Variants in GINS3 observed in about 807,000 individuals in gnomAD.
GINS3 encodes the protein DNA replication complex GINS protein PSF3.
A neutral mutation model predicts 20.0 loss-of-function variants in GINS3; 18 were observed. The ratio of observed to expected loss-of-function variants is 0.90; its 90% CI spans 0.62 to 1.33. The LOEUF is 1.33. GINS3 is among the 40% of genes most tolerant of loss of function. GINS3 has a pLI of 0.00. For synonymous variants in GINS3, 109 were observed against 107.0 expected, an observed-to-expected ratio of 1.02 and a Z score of -0.12; for missense variants, 254 against 273.6, an observed-to-expected ratio of 0.93 and a Z score of 0.51.
chr16:58,403,078 T>C lies in GINS3; in HGVS notation c.187-20T>C. ...GTGTTACTTGTCTGTTTTTAAAATC[T>C]ACATTCATGCATGCTGCAGGGTTCC... On this transcript the variant is annotated intron_variant, in intron 1 of 2. Coordinates refer to ENST00000318129, the MANE Select transcript of GINS3 (RefSeq NM_022770.4). 1 of 1,597,006 alleles carries C rather than the reference T, an allele frequency of 6.3e-7. No individual in the cohort carries two copies. The highest frequency in any genetic ancestry group is 1.1e-5 in the South Asian group (1 of 90,598).
Position 58,403,135 on chromosome 16 carries a change from G to C in GINS3, c.224G>C (p.Gly75Ala). The C allele has an allele frequency of 1.9e-6, 3 of 1,614,160 alleles. No individual in the cohort carries two copies. The highest frequency in any genetic ancestry group is 2.5e-6 in the Non-Finnish European group (3 of 1,180,028). The change falls in exon 2 of 3, where the codon GGA (glycine) becomes GCA (alanine). Residue 75 changes from glycine to alanine, a missense_variant. Transcript: ENST00000318129. ...GAACTACCCTTGTGGCTGGCAAAAGGACTTTTTGACAACAAGCGACGGATC... is the reference window on the plus strand; with the variant it reads ...GAACTACCCTTGTGGCTGGCAAAAGCACTTTTTGACAACAAGCGACGGATC... ...KLELPLWLAK[G>A]LFDNKRRILS...
chr16:58,396,900 C>G lies in GINS3; in HGVS notation c.186+4113C>G, dbSNP rs1384404856. 6.8e-5 allele frequency among the ~76,000 whole-genome samples: 10 copies of G among 147,216 alleles called. No individual in the cohort carries two copies. In the South Asian group the frequency reaches 1.1e-3, roughly 16 times the overall value. On this transcript the variant is annotated intron_variant, in intron 1 of 2. Coordinates refer to ENST00000318129, the MANE Select transcript of GINS3 (RefSeq NM_022770.4). ...TGGCCGGGCGGGGGGCTGACCCCCCCACCTCCTTCCCGGACGGGGCGGCTG... is the reference window on the plus strand; with the variant it reads ...TGGCCGGGCGGGGGGCTGACCCCCCGACCTCCTTCCCGGACGGGGCGGCTG...
intron 1 of GINS3, among the ~76,000 whole-genome samples, chr16:58,400,240 T>C (rs1299739213): frequency 6.6e-6 from 1 of 152,170 alleles, no homozygotes; most frequent in Non-Finnish European, 1.5e-5. Context: ...GAGGGAAAGG[T>C]TGCATGGAGT....
chr16:58,394,236 ACCT>A (rs1390279008), intron 1 of GINS3, among the ~76,000 whole-genome samples: 8 of 151,294 alleles, frequency 5.3e-5, no homozygotes, highest in African/African-American at 1.7e-4. Context: ...AATTAATCAG[ACCT>A]CCTTGTTCTA....
intron 1 of GINS3, among the ~76,000 whole-genome samples, chr16:58,396,780 T>G (rs1236564878): frequency 1.1e-5 from 1 of 94,094 alleles, no homozygotes; most frequent in African/African-American, 4.3e-5. Context: ...CCCCACCTCC[T>G]TCCCGGACAG....
chr16:58,394,331 T>C (rs1300031677), intron 1 of GINS3, among the ~76,000 whole-genome samples: 1 of 151,732 alleles, frequency 6.6e-6, no homozygotes, highest in Non-Finnish European at 1.5e-5. Flanking sequence ...TTGGGGGTAG[T>C]TTTGTTTTTG....
chr16:58,401,375 A>G (rs1965951884), intron 1 of GINS3, among the ~76,000 whole-genome samples: 1 of 152,094 alleles, frequency 6.6e-6, no homozygotes, highest in Non-Finnish European at 1.5e-5. Context: ...TGAAGAGCTA[A>G]AGAACAAAGC....
chr16:58,404,611 C>A lies in GINS3; in HGVS notation c.533C>A (p.Thr178Lys). Residue 178 changes from threonine (T) to lysine (K), a missense_variant, in exon 3 of 3, where the codon ACA (threonine) becomes AAA (lysine). By Grantham distance (78) the Thr-to-Lys change is moderately conservative. Coordinates refer to ENST00000318129, the MANE Select transcript of GINS3 (RefSeq NM_022770.4). ...GAGATGGAGAGGGGCTTATTTCAAA[C>A]AGGGCAGAAAGGACTGAATGACTTT... ...LDEMERGLFQ[T>K]GQKGLNDFQC... 6.2e-7 allele frequency: 1 copy of A among 1,614,104 alleles called. No individual in the cohort carries two copies. The highest frequency in any genetic ancestry group is 8.5e-7 in the Non-Finnish European group (1 of 1,179,998).
intron 1 of GINS3, 59 bp downstream of exon 1, chr16:58,392,846 G>C (rs1965802593): frequency 6.8e-7 from 1 of 1,477,318 alleles, no homozygotes; most frequent in East Asian, 2.5e-5. Flanking sequence ...CGGGCCCCTC[G>C]GCCCTGGGAC....
intron 1 of GINS3, among the ~76,000 whole-genome samples, chr16:58,397,438 T>TG (rs1401669657): frequency 3.3e-5 from 5 of 150,700 alleles, no homozygotes; most frequent in East Asian, 1.9e-4. Flanking sequence ...CTCGGCACTT[T>TG]GGGGGGCCAA....
intron 1 of GINS3, among the ~76,000 whole-genome samples, chr16:58,395,600 A>C (rs1309151279): frequency 6.6e-6 from 1 of 152,150 alleles, no homozygotes; most frequent in Non-Finnish European, 1.5e-5. Context: ...TAATCCATTC[A>C]ACCCCTGAGT....
Position 58,404,803 on chromosome 16 carries a change from T to C in GINS3, c.*74T>C, listed in dbSNP as rs752372111. ...GTCCTTGATAGGAGCTGGTTGACCT[T>C]GTACAGAACCAGAATCCTGTCCCAT... On this transcript the variant is annotated 3_prime_UTR_variant, in exon 3 of 3. Coordinates refer to ENST00000318129, the MANE Select transcript of GINS3 (RefSeq NM_022770.4). 3.9e-4 allele frequency: 402 copies of C among 1,037,926 alleles called. 4 individuals are homozygous for C. The highest frequency in any genetic ancestry group is 7.6e-5 in the Non-Finnish European group (52 of 685,994). 64.3% of individuals were successfully genotyped at this position (1,037,926 alleles called of 1,614,324 possible).
At chr16:58,396,419 G>A (rs1965860374) in intron 1 of GINS3, among the ~76,000 whole-genome samples, 2 of 119,426 alleles carry the variant, frequency 1.7e-5, no homozygotes, top group Non-Finnish European at 1.8e-5. Context: ...TCCCGGACGG[G>A]GCGGCTGGCT....
At chr16:58,392,865 G>C in intron 1 of GINS3, 78 bp downstream of exon 1, 1 of 1,378,246 alleles carries the variant, frequency 7.3e-7, no homozygotes, top group Non-Finnish European at 9.7e-7. Flanking sequence ...ACGCCGCATC[G>C]GGGCGCGCTG....
In GINS3 at chr16:58,404,939, C is replaced by G; in HGVS notation, c.*210C>G. ...TCCAGGACCGTCCCACCCTGCTGAC[C>G]CACAGCCCAGGCCCTTTAACCCAAG... On this transcript the variant is annotated 3_prime_UTR_variant, in exon 3 of 3. Transcript: ENST00000318129. 1.8e-6 allele frequency: 1 copy of G among 565,562 alleles called. No homozygotes were observed. The highest frequency in any genetic ancestry group is 3.1e-6 in the Non-Finnish European group (1 of 317,562). 35.0% of individuals were successfully genotyped at this position (565,562 alleles called of 1,614,324 possible).
chr16:58,401,596 T>C (rs935605520), intron 1 of GINS3, among the ~76,000 whole-genome samples: 10 of 152,226 alleles, frequency 6.6e-5, no homozygotes, highest in African/African-American at 2.4e-4. Context: ...TACAAACCTT[T>C]AGCTAGATAC....
At chr16:58,402,165 A>G (rs1222750626) in intron 1 of GINS3, among the ~76,000 whole-genome samples, 2 of 152,162 alleles carry the variant, frequency 1.3e-5, no homozygotes. Flanking sequence ...CAATCCAGTA[A>G]ACATGTTAAA....
intron 1 of GINS3, among the ~76,000 whole-genome samples, chr16:58,401,035 G>C (rs1047652315): frequency 6.6e-6 from 1 of 151,830 alleles, no homozygotes; most frequent in Admixed American, 6.6e-5. Context: ...GGCCCGTCTC[G>C]AACCCCTGAG....
intron 2 of GINS3, chr16:58,403,618 C>G: frequency 2.6e-6 from 1 of 387,192 alleles, no homozygotes; most frequent in Non-Finnish European, 4.7e-6. Context: ...TGATGATGGC[C>G]AGGCATGGTG....
Sources: allele counts gnomAD v4.1 joint callset (sites outside exome capture counted in the v4.1 genomes callset), GRCh38; gene constraint gnomAD v4.1.1; transcripts MANE v1.5; gene names NCBI Gene and HGNC (gene_info 2026-07-23, HGNC 2026-07-21).